The following ADGRB1 variants were observed in gnomAD, a reference collection of about 807,000 sequenced individuals.
ADGRB1 encodes adhesion G protein-coupled receptor B1.
In ADGRB1, 36 loss-of-function variants were observed where a neutral mutation model predicts 175.7. The observed-to-expected ratio is 0.20, with a 90% CI of 0.16 to 0.27. The LOEUF is 0.27. Ranked by LOEUF, ADGRB1 falls within the 10% of genes least tolerant of loss-of-function variation. The pLI is 1.00. For synonymous variants in ADGRB1, 1,054 were observed against 979.4 expected, an observed-to-expected ratio of 1.08 and a Z score of -1.42; for missense variants, 1,731 against 2,255.3, an observed-to-expected ratio of 0.77 and a Z score of 4.71.
At chr8:142,465,129 G>A (rs895269859) in intron 2 of ADGRB1, 147 bp downstream of exon 2, 30 of 1,005,116 alleles carry the variant, frequency 3.0e-5, no homozygotes, top group Non-Finnish European at 3.9e-5. Flanking sequence ...GAGGTGGACC[G>A]GGGTCTTCTT....
intron 17 of ADGRB1, among the ~76,000 whole-genome samples, chr8:142,495,282 G>C (rs1353624614): frequency 1.3e-5 from 2 of 150,276 alleles, no homozygotes; most frequent in Non-Finnish European, 3.0e-5. Context: ...AGTGACCAGT[G>C]ATGGCTGGCA....
At chr8:142,536,396 C>T (rs933254007) in intron 25 of ADGRB1, among the ~76,000 whole-genome samples, 6 of 152,156 alleles carry the variant, frequency 3.9e-5, no homozygotes, top group Admixed American at 2.0e-4. Flanking sequence ...CTCTGCTGGC[C>T]GCTGGTCTTC....
At chr8:142,470,271 G>T (rs1360611697) in intron 2 of ADGRB1, among the ~76,000 whole-genome samples, 1 of 152,182 alleles carries the variant, frequency 6.6e-6, no homozygotes, top group East Asian at 1.9e-4. Flanking sequence ...GGTGAGTGGG[G>T]CCGTTTCTCT....
At chr8:142,487,028 A>G (rs1841704043) in intron 13 of ADGRB1, among the ~76,000 whole-genome samples, 1 of 152,228 alleles carries the variant, frequency 6.6e-6, no homozygotes, top group African/African-American at 2.4e-5. Context: ...GAACAAAAAA[A>G]GACAAAGTTC....
chr8:142,460,082 G>A (rs779813911), intron 1 of ADGRB1, among the ~76,000 whole-genome samples: 16 of 152,258 alleles, frequency 1.1e-4, no homozygotes, highest in Non-Finnish European at 1.6e-4. Flanking sequence ...GGCGTGGGGG[G>A]GACAGGAGCC....
chr8:142,488,567 C>T (rs780839703), intron 14 of ADGRB1, 60 bp downstream of exon 14: 73 of 1,588,218 alleles, frequency 4.6e-5, no homozygotes, highest in Middle Eastern at 1.8e-4. Flanking sequence ...CAGAGTCGGA[C>T]GGTCACCACC....
chr8:142,509,668 A>G (rs1030475611), intron 17 of ADGRB1, among the ~76,000 whole-genome samples: 1 of 152,236 alleles, frequency 6.6e-6, no homozygotes, highest in Non-Finnish European at 1.5e-5. Flanking sequence ...AGGGCAGACC[A>G]TAGGAAGACC....
chr8:142,540,816 C>G (rs529345299), intron 27 of ADGRB1, among the ~76,000 whole-genome samples: 1 of 149,922 alleles, frequency 6.7e-6, no homozygotes, highest in Non-Finnish European at 1.5e-5. Flanking sequence ...TGGGTAGGGA[C>G]GAGGGAAGGG....
Position 142,471,768 on chromosome 8 carries a change from G to A in ADGRB1, c.785-3706G>A, listed in dbSNP as rs910004010. ...ATCTGCTGGTGCCCGCCTCTGTGGC[G>A]GGAGGAAGGGGGACCAGCCACTTGG... On this transcript the variant is annotated intron_variant, in intron 2 of 30. Coordinates refer to ENST00000517894, the MANE Select transcript of ADGRB1 (RefSeq NM_001702.3). 4.3e-4 allele frequency among the ~76,000 whole-genome samples: 65 copies of A among 152,348 alleles called. 1 individual carries two copies. The highest frequency in any genetic ancestry group is 1.2e-3 in the Admixed American group (19 of 15,310).
chr8:142,478,220 C>T lies in ADGRB1; in HGVS notation c.1421C>T (p.Ser474Leu), dbSNP rs769659668. Residue 474 changes from serine to leucine, a missense_variant, in exon 7 of 31, where the codon TCG (serine) becomes TTG (leucine). By Grantham distance (145) the Ser-to-Leu change is moderately radical. Coordinates refer to ENST00000517894, the MANE Select transcript of ADGRB1 (RefSeq NM_001702.3). ...RAVDGNWNEW[S>L]SWSACSASCS... ...GTGGATGGAAACTGGAATGAGTGGTCGAGCTGGAGCGCCTGCTCCGCCAGC... is the reference window on the plus strand; with the variant it reads ...GTGGATGGAAACTGGAATGAGTGGTTGAGCTGGAGCGCCTGCTCCGCCAGC... 6.2e-7 allele frequency: 1 copy of T among 1,607,218 alleles called. No homozygotes were observed. The highest frequency in any genetic ancestry group is 8.5e-7 in the Non-Finnish European group (1 of 1,177,642).
intron 9 of ADGRB1, 52 bp downstream of exon 9, chr8:142,479,846 G>T: frequency 1.3e-6 from 2 of 1,524,836 alleles, no homozygotes; most frequent in Non-Finnish European, 1.8e-6. Context: ...TGTCCTCACG[G>T]TGATGCCCAC....
chr8:142,512,151 C>G (rs1344678867), intron 18 of ADGRB1, among the ~76,000 whole-genome samples: 1 of 152,224 alleles, frequency 6.6e-6, no homozygotes, highest in Non-Finnish European at 1.5e-5. Context: ...TGTTGACAGG[C>G]AGGGAGACTG....
In ADGRB1 at chr8:142,510,099, T is replaced by G. The variant is rs1587375056; in HGVS notation, c.2676-833T>G. Among the ~76,000 whole-genome samples the G allele has an allele frequency of 2.7e-5, 4 of 146,254 alleles. No homozygotes were observed. The highest frequency in any genetic ancestry group is 2.5e-5 in the African/African-American group (1 of 39,220). ...GAGGCGGAGGAGGAAGAGGAGGAGGTGGAGGAGGAAGAACAGGAGGAGGAG... is the reference window on the plus strand; with the variant it reads ...GAGGCGGAGGAGGAAGAGGAGGAGGGGGAGGAGGAAGAACAGGAGGAGGAG... On this transcript the variant is annotated intron_variant, in intron 17 of 30. Coordinates refer to ENST00000517894, the MANE Select transcript of ADGRB1 (RefSeq NM_001702.3). This position sits in a 1 kb window ranked among gnomAD's most constrained non-coding sequence, Gnocchi z 6.3.
intron 27 of ADGRB1, 35 bp from the exon 28 acceptor site, chr8:142,541,906 A>G (rs1437230533): frequency 3.3e-6 from 5 of 1,512,774 alleles, no homozygotes; most frequent in Non-Finnish European, 3.5e-6. Flanking sequence ...TCACCCCCAC[A>G]CCTGTCCCCG....
chr8:142,531,601 G>T (rs1317819304), intron 24 of ADGRB1, among the ~76,000 whole-genome samples: 1 of 152,192 alleles, frequency 6.6e-6, no homozygotes, highest in Non-Finnish European at 1.5e-5. Context: ...AGGAGGGGCG[G>T]GTGCGTGGCC....
At position 142,474,685 on chromosome 8, in the gene ADGRB1, G is replaced by C. The variant is rs1176726774; in HGVS notation, c.785-789G>C. Among the ~76,000 whole-genome samples the C allele has an allele frequency of 6.6e-6, 1 of 152,182 alleles. No homozygotes were observed. The highest frequency in any genetic ancestry group is 1.5e-5 in the Non-Finnish European group (1 of 68,026). Reference sequence around the variant, plus strand: ...CAGAGACTCCTGGGGCGTGAGGTCTGGTTTGCTAGGGGAACACAGGTCCAT... The same window carrying C: ...CAGAGACTCCTGGGGCGTGAGGTCTCGTTTGCTAGGGGAACACAGGTCCAT... On this transcript the variant is annotated intron_variant, in intron 2 of 30. Transcript: ENST00000517894. The surrounding 1 kb of genome is among the most constrained non-coding windows in gnomAD (Gnocchi z 5.8).
At chr8:142,508,066 G>C (rs144588721) in intron 17 of ADGRB1, among the ~76,000 whole-genome samples, 1 of 152,222 alleles carries the variant, frequency 6.6e-6, no homozygotes, top group Non-Finnish European at 1.5e-5. Flanking sequence ...TTATGTGTCT[G>C]GCTGCATGCC....
At chr8:142,472,245 G>A (rs1365531068) in intron 2 of ADGRB1, among the ~76,000 whole-genome samples, 1 of 152,168 alleles carries the variant, frequency 6.6e-6, no homozygotes, top group East Asian at 1.9e-4. Context: ...CCAGTCTGGG[G>A]CGCCAGGGTG....
chr8:142,464,466 C>T lies in ADGRB1; in HGVS notation c.268C>T (p.Pro90Ser). The change falls in exon 2 of 31, where the codon CCC becomes TCC. Residue 90 changes from proline to serine, a missense_variant. Pro to Ser is a moderately conservative substitution (Grantham distance 74). Around this residue, in one of 8 missense-constraint regions of ADGRB1, gnomAD observed 383 missense variants for 383.1 expected, o/e 1.00. Coordinates refer to ENST00000517894, the MANE Select transcript of ADGRB1 (RefSeq NM_001702.3). ...TCTCTACATGAAGGTGGCCAAGGCG[C>T]CCGTGCCCTGCAGCGGCCCCGGCCG... ...YTLYMKVAKA[P>S]VPCSGPGRVR... is the part of the protein sequence containing the mutation. 1 of 1,581,240 alleles carries T rather than the reference C, an allele frequency of 6.3e-7. No individual in the cohort carries two copies. Among genetic ancestry groups the T allele is most frequent in the Non-Finnish European group, 8.6e-7 (1 of 1,168,060 alleles).
Sources: allele counts gnomAD v4.1 joint callset (sites outside exome capture counted in the v4.1 genomes callset), GRCh38; gene constraint gnomAD v4.1.1; regional missense constraint gnomAD v4.1.1; non-coding constraint Gnocchi (gnomAD v3.1); transcripts MANE v1.5; gene names NCBI Gene and HGNC (gene_info 2026-07-23, HGNC 2026-07-21).